Variants in CCL23 observed in about 807,000 individuals in gnomAD.
The protein encoded by CCL23 is C-C motif chemokine 23.
In CCL23, 10 loss-of-function variants were observed where a neutral mutation model predicts 11.8. The observed-to-expected ratio is 0.84, with a 90% confidence interval of 0.52 to 1.43. The LOEUF (loss-of-function observed/expected upper bound fraction) is 1.43, where lower values mean the gene tolerates loss of function less well. CCL23 is among the 40% of genes most tolerant of loss of function. The probability of loss-of-function intolerance (pLI) is 0.00; values close to 1 mark genes in which losing one functional copy is unlikely to be tolerated. For missense variants in CCL23, 181 were observed against 170.9 expected, an observed-to-expected ratio of 1.06 and a Z score of -0.33; for synonymous variants, 60 against 61.0, an observed-to-expected ratio of 0.98 and a Z score of 0.07.
At chr17:36,016,654 A>G (rs2090100079) in intron 1 of CCL23, among the ~76,000 whole-genome samples, 1 of 151,256 alleles carries the variant, frequency 6.6e-6, no homozygotes, top group African/African-American at 2.4e-5. Flanking sequence ...GTGTCTTTTA[A>G]TATAATATAT....
chr17:36,015,874 TAA>T (rs200601937), intron 1 of CCL23, among the ~76,000 whole-genome samples: 1 of 143,610 alleles, frequency 7.0e-6, no homozygotes. Context: ...CCGTCTCTAC[TAA>T]AAAAAAAAAA....
At chr17:36,017,550 T>G (rs147710371) in intron 1 of CCL23, among the ~76,000 whole-genome samples, 1 of 152,334 alleles carries the variant, frequency 6.6e-6, no homozygotes, top group African/African-American at 2.4e-5. Context: ...TAGCACTTAA[T>G]AGTCCTATGT....
intron 1 of CCL23, among the ~76,000 whole-genome samples, chr17:36,014,940 C>A (rs1263879736): frequency 7.0e-6 from 1 of 142,712 alleles, no homozygotes. Flanking sequence ...TTTACTAAAT[C>A]ATTTTTAAAT....
At chr17:36,014,901 A>G (rs535577524) in intron 1 of CCL23, among the ~76,000 whole-genome samples, 1 of 152,184 alleles carries the variant, frequency 6.6e-6, no homozygotes, top group African/African-American at 2.4e-5. Flanking sequence ...CTCATCAGGG[A>G]TAAGTACCAT....
intron 1 of CCL23, among the ~76,000 whole-genome samples, chr17:36,015,847 G>A (rs1268318179): frequency 1.3e-5 from 2 of 151,816 alleles, no homozygotes; most frequent in African/African-American, 4.8e-5. Context: ...GACCAGCCTG[G>A]CCAACATGTT....
At chr17:36,014,816 T>C (rs969483758) in intron 1 of CCL23, among the ~76,000 whole-genome samples, 1 of 152,196 alleles carries the variant, frequency 6.6e-6, no homozygotes, top group African/African-American at 2.4e-5. Context: ...GGTCATTATT[T>C]ATCCCAGTTA....
At chr17:36,013,656 C>A in intron 3 of CCL23, 88 bp downstream of exon 3, 1 of 1,344,122 alleles carries the variant, frequency 7.4e-7, no homozygotes, top group Non-Finnish European at 1.1e-6. Flanking sequence ...AGGGTGGGCC[C>A]TGATGGACAC....
chr17:36,014,138 G>C (rs564726809), intron 2 of CCL23, among the ~76,000 whole-genome samples, 196 bp downstream of exon 2: 1 of 152,170 alleles, frequency 6.6e-6, no homozygotes, highest in Non-Finnish European at 1.5e-5. Flanking sequence ...GCAGACTCTT[G>C]GGGCAGCCAG....
chr17:36,017,696 T>C, intron 1 of CCL23, 126 bp downstream of exon 1: 2 of 860,548 alleles, frequency 2.3e-6, no homozygotes, highest in Admixed American at 4.3e-5. Context: ...ACTCTGGTGC[T>C]GCTTTTAAAT....
At chr17:36,014,153 G>A (rs150035023) in intron 2 of CCL23, among the ~76,000 whole-genome samples, 181 bp downstream of exon 2, 153 of 152,264 alleles carry the variant, frequency 1.0e-3, no homozygotes, top group African/African-American at 3.4e-3. Flanking sequence ...AGCCAGAGGG[G>A]AACAGAGAAG....
intron 1 of CCL23, among the ~76,000 whole-genome samples, chr17:36,016,677 T>C (rs976211672): frequency 1.3e-5 from 2 of 150,614 alleles, no homozygotes; most frequent in Non-Finnish European, 1.5e-5. Flanking sequence ...GTACTTTTCA[T>C]ATATTTAAAA....
chr17:36,016,993 G>T (rs1489828854), intron 1 of CCL23, among the ~76,000 whole-genome samples: 3 of 151,916 alleles, frequency 2.0e-5, no homozygotes, highest in Admixed American at 2.0e-4. Flanking sequence ...AATGAGACAT[G>T]TGGGTATATT....
Position 36,013,773 on chromosome 17 carries a change from CG to C in CCL23, c.272del (p.Thr91ArgfsTer33), listed in dbSNP as rs1299173085. 1 of 1,614,028 alleles carries C rather than the reference CG, an allele frequency of 6.2e-7. No individual in the cohort carries two copies. Among genetic ancestry groups the C allele is most frequent in the African/African-American group, 1.3e-5 (1 of 74,924 alleles). On this transcript the variant is annotated frameshift_variant, in exon 3 of 4. Coordinates refer to ENST00000615050, the MANE Select transcript of CCL23 (RefSeq NM_005064.6). LOFTEE classifies it low-confidence loss of function (END_TRUNC). ...PCSLLESYFE[T>X]NSECSKPGVI... ...CACCCGGCTTGGAGCACTCGCTGTT[CG>C]TTTCAAAGTAACTCTCCAGGAGTGA...
intron 1 of CCL23, 86 bp downstream of exon 1, chr17:36,017,736 G>A: frequency 1.7e-6 from 2 of 1,185,124 alleles, no homozygotes; most frequent in Admixed American, 1.8e-5. Flanking sequence ...GGGATGGAGA[G>A]TAGTTACAGG....
At chr17:36,013,932 T>C (rs893622599) in intron 2 of CCL23, 23 bp from the exon 3 acceptor site, 28 of 1,612,374 alleles carry the variant, frequency 1.7e-5, no homozygotes, top group Admixed American at 1.3e-4. Flanking sequence ...AGAAGGCACA[T>C]GGCTCAGAAG....
At chr17:36,016,344 C>T (rs763772031) in intron 1 of CCL23, among the ~76,000 whole-genome samples, 13 of 152,172 alleles carry the variant, frequency 8.5e-5, no homozygotes, top group Middle Eastern at 3.4e-3. Context: ...CCCCGATAGG[C>T]CCCAGTGTGT....
Position 36,013,920 on chromosome 17 carries a change from T to C in CCL23, c.137-11A>G. 6.2e-7 allele frequency: 1 copy of C among 1,613,020 alleles called. No individual in the cohort carries two copies. The highest frequency in any genetic ancestry group is 8.5e-7 in the Non-Finnish European group (1 of 1,179,174). On this transcript the variant is annotated splice_polypyrimidine_tract_variant and intron_variant, in intron 2 of 3. Transcript: ENST00000615050. ...TTCTCCTCCAGAGCACTGTGGAGGGTGAGAAGGCACATGGCTCAGAAGAGA... is the reference window on the plus strand; with the variant it reads ...TTCTCCTCCAGAGCACTGTGGAGGGCGAGAAGGCACATGGCTCAGAAGAGA...
At chr17:36,013,529 G>A (rs2090073560) in intron 3 of CCL23, 2 of 621,266 alleles carry the variant, frequency 3.2e-6, no homozygotes, top group Non-Finnish European at 5.7e-6. Flanking sequence ...TCCTTGGGCA[G>A]ACTTGTGCCT....
chr17:36,014,350 A>G lies in CCL23; in HGVS notation c.120T>C (p.Asn40=). The stretch of plus-strand genomic sequence containing the variant: ...ATCACTTACTGTCCAGAAGTACTGG[A>G]TTTTCCAATGGAAGCTTTGACATCA... ...EFMMSKLPLE[N]PVLLDMLWRR... Residue 40 remains asparagine, a synonymous_variant, in exon 2 of 4, where the codon AAT becomes AAC. Transcript: ENST00000615050. The G allele has an allele frequency of 1.2e-6, 2 of 1,613,224 alleles. No homozygotes were observed. Among genetic ancestry groups the G allele is most frequent in the South Asian group, 1.1e-5 (1 of 91,068 alleles).
Sources: allele counts gnomAD v4.1 joint callset (sites outside exome capture counted in the v4.1 genomes callset), GRCh38; gene constraint gnomAD v4.1.1; transcripts MANE v1.5; gene names NCBI Gene and HGNC (gene_info 2026-07-23, HGNC 2026-07-21).